TPST2: variants seen among roughly 807,000 people sequenced by gnomAD.
The protein encoded by TPST2 is tyrosylprotein sulfotransferase 2, also known as protein-tyrosine sulfotransferase 2.
TPST2 carries 16 observed loss-of-function variants against 27.8 expected under a neutral mutation model. The observed-to-expected ratio is 0.58, with a 90% CI of 0.39 to 0.88. TPST2 has a LOEUF of 0.88. Ranked by LOEUF, TPST2 falls within the 40% of genes least tolerant of loss-of-function variation. TPST2 has a pLI of 0.00. For synonymous variants in TPST2, 229 were observed against 231.7 expected (o/e 0.99, Z 0.10); for missense variants, 464 against 543.1 (o/e 0.85, Z 1.45).
At chr22:26,572,784 T>C (rs2147232912) in intron 1 of TPST2, among the ~76,000 whole-genome samples, 1 of 152,272 alleles carries the variant, frequency 6.6e-6, no homozygotes, top group East Asian at 1.9e-4. Flanking sequence ...GTTTTTTTTC[T>C]TCTTCTTCTT....
intron 1 of TPST2, among the ~76,000 whole-genome samples, chr22:26,578,225 A>G (rs1386345900): frequency 6.6e-6 from 1 of 152,164 alleles, no homozygotes; most frequent in African/African-American, 2.4e-5. Flanking sequence ...CAGCTGAGGA[A>G]GCCAAGGCAC....
chr22:26,547,519 T>C (rs2147198011), intron 1 of TPST2: 1 of 152,304 alleles, frequency 6.6e-6, no homozygotes, highest in Non-Finnish European at 1.5e-5. Flanking sequence ...GTCAGGCAGG[T>C]GGTGGCATGT....
At chr22:26,571,087 A>C (rs1486580295) in intron 1 of TPST2, among the ~76,000 whole-genome samples, 2 of 152,016 alleles carry the variant, frequency 1.3e-5, no homozygotes, top group Non-Finnish European at 2.9e-5. Flanking sequence ...GCATCCTCCC[A>C]TGGCTCCCAC....
intron 2 of TPST2, among the ~76,000 whole-genome samples, chr22:26,542,541 C>T (rs1416118101): frequency 6.6e-6 from 1 of 152,180 alleles, no homozygotes; most frequent in Non-Finnish European, 1.5e-5. Context: ...TTAATGAGCA[C>T]CTGCTATGTG....
At chr22:26,557,316 C>CCA (rs1404851376) in intron 1 of TPST2, among the ~76,000 whole-genome samples, 1 of 152,186 alleles carries the variant, frequency 6.6e-6, no homozygotes, top group Non-Finnish European at 1.5e-5. Flanking sequence ...TGCATCTACC[C>CCA]CAGACCCTTG....
intron 2 of TPST2, among the ~76,000 whole-genome samples, chr22:26,542,240 TAAA>T (rs537567197): frequency 6.0e-5 from 7 of 115,964 alleles, no homozygotes; most frequent in Non-Finnish European, 8.6e-5. Context: ...AGACTCCGTC[TAAA>T]AAAAAAAAAA....
intron 1 of TPST2, among the ~76,000 whole-genome samples, chr22:26,571,234 C>T (rs1351114650): frequency 6.6e-6 from 1 of 152,156 alleles, no homozygotes; most frequent in African/African-American, 2.4e-5. Flanking sequence ...CACACAAGCA[C>T]CCTCCCTCCT....
chr22:26,577,388 A>C (rs1927891938), intron 1 of TPST2, among the ~76,000 whole-genome samples: 2 of 149,928 alleles, frequency 1.3e-5, no homozygotes, highest in South Asian at 4.2e-4. Flanking sequence ...TCTGTCGCCC[A>C]GGCTGAAGTG....
At chr22:26,535,517 C>T (rs1925403930) in intron 4 of TPST2, among the ~76,000 whole-genome samples, 1 of 152,214 alleles carries the variant, frequency 6.6e-6, no homozygotes, top group African/African-American at 2.4e-5. Flanking sequence ...GAGGCTCACA[C>T]CTGTAATCTC....
In TPST2 at chr22:26,524,521, CACA is replaced by C. The variant is rs1924728712; in HGVS notation, c.*1751_*1753del. On this transcript the variant is annotated 3_prime_UTR_variant, in exon 7 of 7. Transcript: ENST00000338754. ...GATTCTGTCTAAACACACACATACA[CACA>C]TACACACCATGAAGTTTTAACTTCC... 1.3e-5 allele frequency: 2 copies of C among 152,038 alleles called. No individual in the cohort carries two copies. The highest frequency in any genetic ancestry group is 4.8e-5 in the African/African-American group (2 of 41,346). 9.4% of individuals were successfully genotyped at this position (152,038 alleles called of 1,614,324 possible). A position where few individuals can be genotyped will look rare whatever the true frequency, so the allele number is the denominator to read the frequency against.
intron 1 of TPST2, among the ~76,000 whole-genome samples, chr22:26,553,805 G>A (rs1926625736): frequency 6.6e-6 from 1 of 152,142 alleles, no homozygotes; most frequent in Admixed American, 6.5e-5. Flanking sequence ...CTTTAAATCA[G>A]TGCTAGATCA....
intron 3 of TPST2, among the ~76,000 whole-genome samples, chr22:26,537,597 C>T (rs745683718): frequency 1.3e-5 from 2 of 152,270 alleles, no homozygotes; most frequent in Middle Eastern, 3.4e-3. Flanking sequence ...GAACTACAGG[C>T]ATGTACCACC....
intron 1 of TPST2, among the ~76,000 whole-genome samples, chr22:26,588,897 G>GCAGA (rs1928444771): frequency 6.6e-6 from 1 of 152,192 alleles, no homozygotes; most frequent in Non-Finnish European, 1.5e-5. Context: ...GCCCAGTCTG[G>GCAGA]CAGACAGACA....
At chr22:26,555,155 T>C (rs200503056) in intron 1 of TPST2, 85 of 532,772 alleles carry the variant, frequency 1.6e-4, no homozygotes, top group East Asian at 2.7e-4. Flanking sequence ...CTGAGGGAAT[T>C]TGCATTTTAA....
At chr22:26,562,071 G>A (rs1927130151) in intron 1 of TPST2, among the ~76,000 whole-genome samples, 1 of 152,224 alleles carries the variant, frequency 6.6e-6, no homozygotes, top group South Asian at 2.1e-4. Flanking sequence ...TGGGGGACTT[G>A]AAGCAGCCCA....
chr22:26,555,582 A>C (rs1926749218), intron 1 of TPST2, among the ~76,000 whole-genome samples: 1 of 152,244 alleles, frequency 6.6e-6, no homozygotes, highest in Admixed American at 6.5e-5. Flanking sequence ...ACAATTCTGT[A>C]CCATTATTTA....
chr22:26,563,451 C>T (rs1266543934), intron 1 of TPST2, among the ~76,000 whole-genome samples: 1 of 151,998 alleles, frequency 6.6e-6, no homozygotes, highest in Non-Finnish European at 1.5e-5. Context: ...GCCTCAGCCT[C>T]CCAAGTAGCT....
intron 4 of TPST2, among the ~76,000 whole-genome samples, chr22:26,534,543 G>A (rs1488511695): frequency 6.6e-6 from 1 of 152,328 alleles, no homozygotes; most frequent in East Asian, 1.9e-4. Context: ...TTTACTCCAG[G>A]AACGTCCGAC....
At chr22:26,553,028 C>A (rs1412922292) in intron 1 of TPST2, among the ~76,000 whole-genome samples, 1 of 146,180 alleles carries the variant, frequency 6.8e-6, no homozygotes, top group Non-Finnish European at 1.5e-5. Flanking sequence ...CCATTGTACT[C>A]CAGCCTGGGT....
Sources: gnomAD v4.1 joint callset for allele counts (sites outside exome capture counted in the v4.1 genomes callset) on GRCh38, gnomAD v4.1.1 for gene constraint, MANE v1.5 for transcripts, NCBI Gene and HGNC (gene_info 2026-07-23, HGNC 2026-07-21) for gene names.